Variants in RGS7 observed in about 807,000 individuals in gnomAD.
The protein encoded by RGS7 is regulator of G-protein signaling 7.
A neutral mutation model predicts 81.1 loss-of-function variants in RGS7; 27 were observed. That is an observed-to-expected ratio of 0.33 (90% CI 0.25 to 0.46). The LOEUF is 0.46. Among genes scored for constraint, RGS7 ranks in the 20% least tolerant of loss-of-function variants. RGS7 has a pLI of 1.00. For missense variants in RGS7, 396 were observed against 607.4 expected (o/e 0.65, Z 3.66); for synonymous variants, 208 against 207.7 (o/e 1.00, Z -0.01).
intron 2 of RGS7, among the ~76,000 whole-genome samples, chr1:241,114,253 C>T (rs1294211696): frequency 2.0e-5 from 3 of 152,140 alleles, no homozygotes; most frequent in Non-Finnish European, 4.4e-5. Context: ...CTAGACACTC[C>T]TCAATCTAGT....
chr1:241,322,867 G>A (rs527544651), intron 2 of RGS7, among the ~76,000 whole-genome samples: 3 of 152,068 alleles, frequency 2.0e-5, no homozygotes, highest in Non-Finnish European at 4.4e-5. Flanking sequence ...TGTAATTCAT[G>A]AATTCTCACA....
At chr1:241,158,478 C>T (rs1017637474) in intron 2 of RGS7, among the ~76,000 whole-genome samples, 8 of 152,184 alleles carry the variant, frequency 5.3e-5, no homozygotes, top group East Asian at 1.9e-4. Flanking sequence ...CAAACCCAAG[C>T]GCTATCTTTC....
chr1:240,901,692 TC>T (rs1363349393), intron 6 of RGS7, among the ~76,000 whole-genome samples: 3 of 152,140 alleles, frequency 2.0e-5, no homozygotes, highest in Non-Finnish European at 4.4e-5. Context: ...GACGTTGAGG[TC>T]CTGTCTTTCT....
intron 2 of RGS7, among the ~76,000 whole-genome samples, chr1:241,295,705 G>T (rs2079384492): frequency 6.6e-6 from 1 of 152,146 alleles, no homozygotes; most frequent in African/African-American, 2.4e-5. Context: ...GGCTGTTGTT[G>T]GAGCTGTCTT....
intron 2 of RGS7, among the ~76,000 whole-genome samples, chr1:241,149,422 G>C (rs1422218052): frequency 6.6e-6 from 1 of 152,098 alleles, no homozygotes; most frequent in Non-Finnish European, 1.5e-5. Flanking sequence ...CTCCCAAAGT[G>C]CTGGGATTAC....
At chr1:241,232,250 GACAATAGCTCA>G (rs2075708587) in intron 2 of RGS7, among the ~76,000 whole-genome samples, 1 of 151,844 alleles carries the variant, frequency 6.6e-6, no homozygotes, top group South Asian at 2.1e-4. Context: ...GCAGTGGTGA[GACAATAGCTCA>G]CTGCACCCTT....
chr1:241,350,892 A>G (rs902942731), intron 2 of RGS7, among the ~76,000 whole-genome samples: 1 of 152,174 alleles, frequency 6.6e-6, no homozygotes, highest in African/African-American at 2.4e-5. Context: ...AGCTAGCTCA[A>G]TGCTAAGAGA....
At chr1:240,792,068 G>T (rs1686104142) in intron 18 of RGS7, among the ~76,000 whole-genome samples, 1 of 152,080 alleles carries the variant, frequency 6.6e-6, no homozygotes. Context: ...ACCATAATAT[G>T]AGATTCAGAT....
intron 6 of RGS7, among the ~76,000 whole-genome samples, chr1:240,923,833 C>T (rs1673985032): frequency 6.6e-6 from 1 of 152,000 alleles, no homozygotes. Flanking sequence ...CTTTCACTTT[C>T]CCCAATATCT....
At position 241,155,757 on chromosome 1, in the gene RGS7, G is replaced by A. The variant is rs191861660; in HGVS notation, c.79-56995C>T. 2.2e-3 allele frequency among the ~76,000 whole-genome samples: 330 copies of A among 152,146 alleles called. 2 individuals carry two copies. Among genetic ancestry groups the A allele is most frequent in the African/African-American group, 7.7e-3 (318 of 41,516 alleles). ...AAAATATGGAAAACAAACATACATG[G>A]AGAAACTGCATTTTACAACTGAACA... is the stretch of plus-strand genomic sequence containing the variant. On this transcript the variant is annotated intron_variant, in intron 2 of 18. Transcript: ENST00000440928.
chr1:241,289,582 T>A (rs564164357), intron 2 of RGS7, among the ~76,000 whole-genome samples: 1 of 152,240 alleles, frequency 6.6e-6, no homozygotes, highest in Admixed American at 6.5e-5. Context: ...TCCAATTCTA[T>A]AACATAGTTG....
At chr1:240,919,693 G>C (rs1401351729) in intron 6 of RGS7, 13 of 586,208 alleles carry the variant, frequency 2.2e-5, no homozygotes, top group East Asian at 1.2e-4. Context: ...AACAGCTGAG[G>C]AAGCTCTTCA....
chr1:240,907,255 C>T (rs1670970075), intron 6 of RGS7, among the ~76,000 whole-genome samples: 1 of 152,002 alleles, frequency 6.6e-6, no homozygotes, highest in South Asian at 2.1e-4. Context: ...GGTTAGGGTT[C>T]CTCTCCTTGT....
chr1:241,235,497 C>T (rs141967208), intron 2 of RGS7, among the ~76,000 whole-genome samples: 1,913 of 152,274 alleles, frequency 0.013, 34 homozygotes, highest in East Asian at 0.058. Flanking sequence ...ATTTAGCTGA[C>T]GGAATGAATG....
chr1:240,835,711 T>C (rs567707171), intron 9 of RGS7, among the ~76,000 whole-genome samples: 1 of 152,206 alleles, frequency 6.6e-6, no homozygotes, highest in South Asian at 2.1e-4. Context: ...GGTGAATGTA[T>C]AAACTGTGGT....
chr1:241,345,001 A>T (rs1353342206), intron 2 of RGS7, among the ~76,000 whole-genome samples: 2 of 152,258 alleles, frequency 1.3e-5, no homozygotes, highest in Non-Finnish European at 2.9e-5. Context: ...CATTAATAAC[A>T]GACTGGATAA....
In RGS7 at chr1:241,271,509, G is replaced by C. The variant is rs2077894748; in HGVS notation, c.78+84190C>G. On this transcript the variant is annotated intron_variant, in intron 2 of 18. Transcript: ENST00000440928. The surrounding 1 kb of genome is among the most constrained non-coding windows in gnomAD (Gnocchi z 4.6). ...GACGGTTCATTTTACATGTCAACTT[G>C]ACTGTTTCACAGGAGTGCCCAGGTA... 6.6e-6 allele frequency among the ~76,000 whole-genome samples: 1 copy of C among 152,194 alleles called. No homozygotes were observed. Among genetic ancestry groups the C allele is most frequent in the Non-Finnish European group, 1.5e-5 (1 of 68,046 alleles).
At chr1:241,327,116 A>C (rs2081611796) in intron 2 of RGS7, among the ~76,000 whole-genome samples, 1 of 110,914 alleles carries the variant, frequency 9.0e-6, no homozygotes, top group Admixed American at 8.5e-5. Flanking sequence ...GAAAGAAAGA[A>C]AGAAAGAAAG....
At chr1:240,911,098 T>C (rs1041997792) in intron 6 of RGS7, among the ~76,000 whole-genome samples, 7 of 152,040 alleles carry the variant, frequency 4.6e-5, no homozygotes, top group Non-Finnish European at 7.4e-5. Flanking sequence ...TTTATTGTCT[T>C]TCTCTCTCTC....
Sources: allele counts gnomAD v4.1 joint callset (sites outside exome capture counted in the v4.1 genomes callset), GRCh38; gene constraint gnomAD v4.1.1; non-coding constraint Gnocchi (gnomAD v3.1); transcripts MANE v1.5; gene names NCBI Gene and HGNC (gene_info 2026-07-23, HGNC 2026-07-21).